PLEKHA5: variants seen among roughly 807,000 people sequenced by gnomAD.
The protein encoded by PLEKHA5 is pleckstrin homology domain-containing family A member 5.
Under a neutral mutation model 181.9 loss-of-function variants are expected in PLEKHA5, and 55 were observed. The ratio of observed to expected loss-of-function variants is 0.30; its 90% CI spans 0.24 to 0.38. The LOEUF (loss-of-function observed/expected upper bound fraction) is 0.38, where lower values mean the gene tolerates loss of function less well. Among genes scored for constraint, PLEKHA5 ranks in the 10% least tolerant of loss-of-function variants. The pLI is 1.00. For missense variants in PLEKHA5, 1,432 were observed against 1,549.5 expected (o/e 0.92, Z 1.27); for synonymous variants, 535 against 529.4 (o/e 1.01, Z -0.15).
At chr12:19,269,985 T>G in intron 9 of PLEKHA5, 100 bp downstream of exon 9, 2 of 668,342 alleles carry the variant, frequency 3.0e-6, no homozygotes, top group Non-Finnish European at 5.1e-6. Flanking sequence ...TTAATAGTCA[T>G]GGTATGAAAT....
intron 3 of PLEKHA5, among the ~76,000 whole-genome samples, chr12:19,223,483 A>G (rs1222007211): frequency 6.6e-6 from 1 of 152,156 alleles, no homozygotes; most frequent in Non-Finnish European, 1.5e-5. Context: ...TTCAATCCAC[A>G]GCCATACTTG....
intron 11 of PLEKHA5, among the ~76,000 whole-genome samples, chr12:19,277,896 TC>T (rs1406832735): frequency 6.6e-6 from 1 of 152,232 alleles, no homozygotes; most frequent in Non-Finnish European, 1.5e-5. Flanking sequence ...AAGCCATTGT[TC>T]TGCATGGCAG....
chr12:19,269,918 C>T (rs777606381), intron 9 of PLEKHA5, 33 bp downstream of exon 9: 1 of 1,125,672 alleles, frequency 8.9e-7, no homozygotes, highest in South Asian at 1.3e-5. Flanking sequence ...ATGGTGATTT[C>T]CACTTCCATT....
At chr12:19,362,167 CAAAAAAAAAAAAAA>C (rs33984774) in intron 29 of PLEKHA5, among the ~76,000 whole-genome samples, 1 of 61,614 alleles carries the variant, frequency 1.6e-5, no homozygotes, top group Non-Finnish European at 3.0e-5. Context: ...GACTCTGTCT[CAAAAAAAAAAAAAA>C]AAAAAAAAAA....
At chr12:19,374,518 G>T (rs1037817768) in intron 31 of PLEKHA5, among the ~76,000 whole-genome samples, 5 of 151,824 alleles carry the variant, frequency 3.3e-5, no homozygotes, top group Non-Finnish European at 7.4e-5. Flanking sequence ...AATTAGCTGG[G>T]CGTGGTGGCA....
At chr12:19,354,826 G>C (rs2153225197) in intron 26 of PLEKHA5, among the ~76,000 whole-genome samples, 1 of 152,254 alleles carries the variant, frequency 6.6e-6, no homozygotes, top group South Asian at 2.1e-4. Flanking sequence ...GACAGACCTA[G>C]TCAACACCTA....
chr12:19,148,303 C>T (rs984284251), intron 3 of PLEKHA5, among the ~76,000 whole-genome samples: 1 of 151,798 alleles, frequency 6.6e-6, no homozygotes, highest in Non-Finnish European at 1.5e-5. Context: ...GTGATCCACC[C>T]GCCTTGGCCT....
intron 2 of PLEKHA5, among the ~76,000 whole-genome samples, chr12:19,131,297 A>C (rs1384466008): frequency 6.6e-6 from 1 of 152,184 alleles, no homozygotes; most frequent in Non-Finnish European, 1.5e-5. Context: ...GAAATGCTGG[A>C]GTTCACTGAA....
intron 3 of PLEKHA5, chr12:19,152,753 TAAG>T (rs1055664141): frequency 1.4e-4 from 21 of 152,176 alleles, no homozygotes; most frequent in African/African-American, 4.6e-4. Flanking sequence ...CAGCTTAAAA[TAAG>T]AACATTTTTT....
intron 15 of PLEKHA5, among the ~76,000 whole-genome samples, chr12:19,296,571 G>A (rs2079869112): frequency 6.6e-6 from 1 of 151,752 alleles, no homozygotes; most frequent in Non-Finnish European, 1.5e-5. Context: ...AATGTATTCA[G>A]TGTGCAAACC....
At chr12:19,257,124 C>T (rs1187271689) in intron 5 of PLEKHA5, among the ~76,000 whole-genome samples, 1 of 152,064 alleles carries the variant, frequency 6.6e-6, no homozygotes, top group Non-Finnish European at 1.5e-5. Flanking sequence ...AAGATCTATT[C>T]ATTTTATATA....
chr12:19,374,424 C>G (rs958230209), intron 31 of PLEKHA5, among the ~76,000 whole-genome samples: 1 of 152,108 alleles, frequency 6.6e-6, no homozygotes, highest in Non-Finnish European at 1.5e-5. Context: ...CTTTGTGAGG[C>G]CGAGGCGGGC....
chr12:19,175,756 CTG>C (rs2047042909), intron 3 of PLEKHA5, among the ~76,000 whole-genome samples: 2 of 152,294 alleles, frequency 1.3e-5, no homozygotes, highest in South Asian at 2.1e-4. Context: ...TGCTTAGTAA[CTG>C]TGACTGAAGA....
At chr12:19,327,520 G>A (rs965588179) in intron 20 of PLEKHA5, among the ~76,000 whole-genome samples, 31 of 151,756 alleles carry the variant, frequency 2.0e-4, no homozygotes, top group African/African-American at 6.5e-4. Context: ...GGTAGTTTGC[G>A]AGTATTTTCT....
chr12:19,260,873 A>G, intron 6 of PLEKHA5, 76 bp from the exon 7 acceptor site: 1 of 871,584 alleles, frequency 1.1e-6, no homozygotes, highest in Admixed American at 2.4e-5. Context: ...AAAAATAAAA[A>G]TAAATAAATA....
chr12:19,349,788 C>T (rs2094505827), intron 25 of PLEKHA5, among the ~76,000 whole-genome samples: 1 of 151,160 alleles, frequency 6.6e-6, no homozygotes, highest in Non-Finnish European at 1.5e-5. Flanking sequence ...ACCAGCCTGG[C>T]CAATATGGTG....
At chr12:19,327,809 T>A (rs1354755624) in intron 20 of PLEKHA5, among the ~76,000 whole-genome samples, 1 of 152,068 alleles carries the variant, frequency 6.6e-6, no homozygotes, top group African/African-American at 2.4e-5. Context: ...CAAGCCTGGC[T>A]ACTTTTTGTA....
intron 15 of PLEKHA5, among the ~76,000 whole-genome samples, chr12:19,293,999 A>G (rs894614256): frequency 6.6e-6 from 1 of 152,202 alleles, no homozygotes; most frequent in Non-Finnish European, 1.5e-5. Context: ...AAGCTTTTCC[A>G]GTAATTTATC....
Position 19,261,001 on chromosome 12 carries a change from T to A in PLEKHA5, c.590T>A (p.Leu197His). ...AAACGCTGGTTTGTGCTTTCTGACCTTTGCCTCTTTTATTATAGAGGTAAG... is the reference window on the plus strand; with the variant it reads ...AAACGCTGGTTTGTGCTTTCTGACCATTGCCTCTTTTATTATAGAGGTAAG... ...WKKRWFVLSDLCLFYYRDEKE... is the reference protein window; with the variant it reads ...WKKRWFVLSDHCLFYYRDEKE... The change falls in exon 7 of 32, where the codon CTT (leucine) becomes CAT (histidine). Residue 197 changes from leucine (L) to histidine (H), a missense_variant. By Grantham distance (99) the Leu-to-His change is moderately conservative (BLOSUM62 -3). Around this residue, in one of 2 missense-constraint regions of PLEKHA5, gnomAD observed 289 missense variants for 381.1 expected, o/e 0.76. Transcript: ENST00000429027. 6.3e-7 allele frequency: 1 copy of A among 1,595,688 alleles called. No homozygotes were observed. Among genetic ancestry groups the A allele is most frequent in the Non-Finnish European group, 8.6e-7 (1 of 1,166,520 alleles).
Sources: gnomAD v4.1 joint callset for allele counts (sites outside exome capture counted in the v4.1 genomes callset) on GRCh38, gnomAD v4.1.1 for gene constraint, gnomAD v4.1.1 regional missense constraint, MANE v1.5 for transcripts, NCBI Gene and HGNC (gene_info 2026-07-23, HGNC 2026-07-21) for gene names.